Variants in TTC12 observed in about 807,000 individuals in gnomAD.
TTC12 encodes tetratricopeptide repeat protein 12.
In TTC12, 70 loss-of-function variants were observed where a neutral mutation model predicts 90.1. The observed-to-expected ratio is 0.78, with a 90% confidence interval of 0.64 to 0.95. The LOEUF is 0.95. TTC12 is among the 40% of genes least tolerant of loss of function. The probability of loss-of-function intolerance (pLI) is 0.00; values close to 1 mark genes in which losing one functional copy is unlikely to be tolerated. For missense variants in TTC12, 819 were observed against 846.1 expected (o/e 0.97, Z 0.40); for synonymous variants, 296 against 311.5 (o/e 0.95, Z 0.53).
intron 11 of TTC12, 89 bp downstream of exon 11, chr11:113,340,822 AC>A (rs1948639520): frequency 9.0e-7 from 1 of 1,108,236 alleles, no homozygotes; most frequent in African/African-American, 1.5e-5. Context: ...ATAGACAGTC[AC>A]GTTTCTGAAC....
intron 13 of TTC12, 71 bp downstream of exon 13, chr11:113,344,511 C>T: frequency 6.9e-7 from 1 of 1,440,862 alleles, no homozygotes; most frequent in South Asian, 1.3e-5. Flanking sequence ...GCATGCCTGT[C>T]TCCCCTCCTA....
At chr11:113,342,809 G>A (rs556612641) in intron 12 of TTC12, among the ~76,000 whole-genome samples, 9 of 152,234 alleles carry the variant, frequency 5.9e-5, no homozygotes, top group African/African-American at 1.4e-4. Flanking sequence ...TCATCAAGGT[G>A]CCTTTCTACT....
intron 8 of TTC12, among the ~76,000 whole-genome samples, chr11:113,336,533 C>G (rs1053688263): frequency 3.9e-4 from 60 of 152,100 alleles, no homozygotes; most frequent in African/African-American, 1.4e-3. Flanking sequence ...TAGCTATCTC[C>G]AATCCATTTT....
At chr11:113,346,669 A>G (rs535043900) in intron 13 of TTC12, among the ~76,000 whole-genome samples, 67 of 151,790 alleles carry the variant, frequency 4.4e-4, no homozygotes, top group Admixed American at 1.2e-3. Flanking sequence ...AATGGTCCCA[A>G]CTTCTTCTGT....
chr11:113,357,996 G>A (rs2138060393), intron 16 of TTC12, among the ~76,000 whole-genome samples: 2 of 152,354 alleles, frequency 1.3e-5, no homozygotes, highest in Admixed American at 1.3e-4. Context: ...CACAATGGCA[G>A]AGGCAACGCA....
chr11:113,347,533 G>A (rs1949036771), intron 13 of TTC12, among the ~76,000 whole-genome samples: 1 of 152,194 alleles, frequency 6.6e-6, no homozygotes, highest in Admixed American at 6.5e-5. Context: ...TTTCAAGACA[G>A]TTCTGATTGA....
chr11:113,360,082 A>T (rs781792472), intron 18 of TTC12, 74 bp downstream of exon 18: 600 of 474,610 alleles, frequency 1.3e-3, no homozygotes, highest in Middle Eastern at 3.4e-3. Context: ...TTGTTTTATT[A>T]TCAGTGTAAT....
intron 13 of TTC12, among the ~76,000 whole-genome samples, chr11:113,344,756 G>T (rs1555147561): frequency 1.3e-5 from 2 of 152,134 alleles, no homozygotes; most frequent in African/African-American, 4.8e-5. Flanking sequence ...TTTGGCCTCG[G>T]TCCTATCTCT....
chr11:113,342,638 CT>C, intron 12 of TTC12, among the ~76,000 whole-genome samples: 1 of 152,292 alleles, frequency 6.6e-6, no homozygotes, highest in Non-Finnish European at 1.5e-5. Context: ...TTTGCATACT[CT>C]GAGATGTTAA....
At chr11:113,338,069 TTTGTTGTTG>T (rs148118958) in intron 8 of TTC12, among the ~76,000 whole-genome samples, 9 of 151,288 alleles carry the variant, frequency 5.9e-5, no homozygotes, top group African/African-American at 2.2e-4. Flanking sequence ...TCAGAACTGT[TTTGTTGTTG>T]TTGTTGTTGT....
At chr11:113,368,699 G>A, downstream of TTC12, 1 of 598,006 alleles carries the variant, frequency 1.7e-6, no homozygotes, top group Non-Finnish European at 3.0e-6. Flanking sequence ...GGGCTGAGAT[G>A]CTGCAACAGG....
At chr11:113,364,614 GT>G in intron 20 of TTC12, 1 of 562,084 alleles carries the variant, frequency 1.8e-6, no homozygotes, top group Non-Finnish European at 3.2e-6. Flanking sequence ...GCTGGGCACT[GT>G]TCTAGGAAGC....
rs1565589733 is a variant in TTC12 at position 113,335,030 on chromosome 11, A to G, written c.569A>G (p.Tyr190Cys). The change falls in exon 8 of 22, where the codon TAC becomes TGC. Residue 190 changes from tyrosine to cysteine, a missense_variant. By Grantham distance (194) the Tyr-to-Cys change is radical (BLOSUM62 -2). Coordinates refer to ENST00000529221, the MANE Select transcript of TTC12 (RefSeq NM_017868.4). ...AAAGCCAACCTGGCCCTGAAGAACT[A>G]CAGTGTGGTAAGTTCTTAGAGGAAT... ...MGKANLALKN[Y>C]SVSRECYKKI... 3 of 1,611,536 alleles carry G rather than the reference A, an allele frequency of 1.9e-6. No homozygotes were observed. Among genetic ancestry groups the G allele is most frequent in the Non-Finnish European group, 1.7e-6 (2 of 1,177,654 alleles).
intron 7 of TTC12, among the ~76,000 whole-genome samples, chr11:113,331,672 G>A (rs766083457): frequency 3.3e-5 from 5 of 152,316 alleles, no homozygotes; most frequent in South Asian, 4.1e-4. Context: ...AAAGGCCAAA[G>A]GGGCAGACAT....
chr11:113,336,030 T>C (rs2137975571), intron 8 of TTC12, among the ~76,000 whole-genome samples: 1 of 152,316 alleles, frequency 6.6e-6, no homozygotes, highest in South Asian at 2.1e-4. Context: ...GAATTTTACA[T>C]TCCTACCAGT....
At chr11:113,372,635 G>A (rs1277718810) in intron 21 of TTC12, among the ~76,000 whole-genome samples, 1 of 152,058 alleles carries the variant, frequency 6.6e-6, no homozygotes, top group Non-Finnish European at 1.5e-5. Flanking sequence ...TAAGTTTTAG[G>A]TATAATTTAA....
At chr11:113,360,632 T>G (rs1949876133) in intron 18 of TTC12, among the ~76,000 whole-genome samples, 1 of 152,210 alleles carries the variant, frequency 6.6e-6, no homozygotes, top group East Asian at 1.9e-4. Flanking sequence ...CTAGAACGTA[T>G]TCTTCACTCA....
Position 113,324,566 on chromosome 11 carries a change from G to T in TTC12, c.245-39G>T, listed in dbSNP as rs781933344. The T allele has an allele frequency of 1.9e-6, 3 of 1,571,158 alleles. No individual in the cohort carries two copies. The South Asian group carries it at 3.4e-5, about 18-fold the overall frequency. ...GCTAAAGAACTGATTATAGTATTTG[G>T]ATTTTTCTTTTTAATATCTGAAATT... On this transcript the variant is annotated intron_variant, in intron 4 of 21. Transcript: ENST00000529221.
chr11:113,315,501 G>A (rs1242807883), intron 1 of TTC12, among the ~76,000 whole-genome samples: 3 of 152,156 alleles, frequency 2.0e-5, no homozygotes, highest in Non-Finnish European at 4.4e-5. Flanking sequence ...ATCTATATTC[G>A]TGTCTGGGCA....
Sources: gnomAD v4.1 joint callset for allele counts (sites outside exome capture counted in the v4.1 genomes callset) on GRCh38, gnomAD v4.1.1 for gene constraint, MANE v1.5 for transcripts, NCBI Gene and HGNC (gene_info 2026-07-23, HGNC 2026-07-21) for gene names.